MCM6: variants seen among roughly 807,000 people sequenced by gnomAD.
MCM6 encodes DNA replication licensing factor MCM6.
A neutral mutation model predicts 94.3 loss-of-function variants in MCM6; 46 were observed. The ratio of observed to expected loss-of-function variants is 0.49; its 90% CI spans 0.39 to 0.62. The LOEUF (loss-of-function observed/expected upper bound fraction) is 0.62. Ranked by LOEUF, MCM6 falls within the 20% of genes least tolerant of loss-of-function variation. The probability of loss-of-function intolerance (pLI) is 0.00; values close to 1 mark genes in which losing one functional copy is unlikely to be tolerated. For missense variants in MCM6, 865 were observed against 1,017.9 expected (o/e 0.85, Z 2.04); for synonymous variants, 335 against 351.9 (o/e 0.95, Z 0.54).
At chr2:135,874,225 T>C (rs936883458) in intron 1 of MCM6, among the ~76,000 whole-genome samples, 1 of 152,050 alleles carries the variant, frequency 6.6e-6, no homozygotes, top group African/African-American at 2.4e-5. Flanking sequence ...TGTGATGTGG[T>C]GGGTAGGTGG....
intron 6 of MCM6, among the ~76,000 whole-genome samples, chr2:135,865,555 T>TTAATCATTCTCAGA (rs1680078887): frequency 1.3e-5 from 2 of 152,124 alleles, no homozygotes; most frequent in African/African-American, 4.8e-5. Context: ...CTGCCAGGGG[T>TTAATCATTCTCAGA]TCATCATTCT....
chr2:135,856,640 A>G (rs1679896957), intron 11 of MCM6, 88 bp downstream of exon 11: 4 of 1,339,158 alleles, frequency 3.0e-6, no homozygotes, highest in South Asian at 2.8e-5. Flanking sequence ...GTGCACATAC[A>G]TGCACCAGCT....
intron 13 of MCM6, among the ~76,000 whole-genome samples, chr2:135,850,253 CT>C (rs1679748735): frequency 2.0e-5 from 3 of 152,138 alleles, no homozygotes; most frequent in African/African-American, 7.2e-5. Flanking sequence ...AGTAATTCAT[CT>C]CAGCACTCTG....
intron 8 of MCM6, among the ~76,000 whole-genome samples, chr2:135,861,558 C>A (rs1679993080): frequency 6.6e-6 from 1 of 152,146 alleles, no homozygotes; most frequent in Non-Finnish European, 1.5e-5. Flanking sequence ...TTCACACTGA[C>A]AAAGTTAACA....
chr2:135,852,071 A>C (rs1246787014), intron 12 of MCM6: 1 of 152,392 alleles, frequency 6.6e-6, no homozygotes, highest in Non-Finnish European at 1.5e-5. Flanking sequence ...AGTATGCAGT[A>C]ATGGAGAACA....
chr2:135,859,870 C>T (rs574847510), intron 8 of MCM6, among the ~76,000 whole-genome samples: 71 of 152,184 alleles, frequency 4.7e-4, no homozygotes, highest in African/African-American at 1.7e-3. Context: ...GTGGTGTGAT[C>T]TCAGCTCACA....
chr2:135,866,638 C>A lies in MCM6; in HGVS notation c.706G>T (p.Ala236Ser). 1 of 1,614,198 alleles carries A rather than the reference C, an allele frequency of 6.2e-7. No homozygotes were observed. The highest frequency in any genetic ancestry group is 8.5e-7 in the Non-Finnish European group (1 of 1,180,030). The change falls in exon 5 of 17, where the codon GCT becomes TCT. Residue 236 changes from alanine to serine, a missense_variant. By Grantham distance (99) the Ala-to-Ser change is moderately conservative. Around this residue, in one of 3 missense-constraint regions of MCM6, gnomAD observed 404 missense variants for 451.9 expected, o/e 0.89. Transcript: ENST00000264156. The stretch of plus-strand genomic sequence containing the variant: ...AAGTCACACTTGTCACCAGCTTGAG[C>A]TGATTCCACAGCTTCAGCCCTTAAA... ...VILRAEAVES[A>S]QAGDKCDFTG...
At chr2:135,866,916 A>C (rs1332571910) in intron 4 of MCM6, among the ~76,000 whole-genome samples, 188 bp from the exon 5 acceptor site, 2 of 152,160 alleles carry the variant, frequency 1.3e-5, no homozygotes, top group African/African-American at 4.8e-5. Context: ...AAATAGTTCA[A>C]TTTGGCAAGA....
rs1679921896 is a variant in MCM6, at chr2:135,857,919, G to C, written c.1448C>G (p.Ser483Cys). 6.2e-7 allele frequency: 1 copy of C among 1,613,942 alleles called. No homozygotes were observed. The highest frequency in any genetic ancestry group is 8.5e-7 in the Non-Finnish European group (1 of 1,179,980). ...TACCTTCACTCCTGCTTTAGTGATG[G>C]ATATGGTCTGCTGTTCCATAGCTTC... Reference protein sequence around the residue: ...IHEAMEQQTISITKAGVKATL... With the variant: ...IHEAMEQQTICITKAGVKATL... The change falls in exon 10 of 17, where the codon TCC becomes TGC. Residue 483 changes from serine to cysteine, a missense_variant. Ser to Cys is a moderately radical substitution (Grantham distance 112). This residue lies in a region of MCM6 where 153 missense variants were observed against 241.5 expected (regional missense o/e 0.63). Transcript: ENST00000264156.
intron 11 of MCM6, among the ~76,000 whole-genome samples, chr2:135,856,225 T>G (rs960532796): frequency 6.6e-6 from 1 of 152,158 alleles, no homozygotes; most frequent in Non-Finnish European, 1.5e-5. Context: ...TGTGCATCAC[T>G]GGAGGCCAGG....
In MCM6 at chr2:135,859,293, G is replaced by A; in HGVS notation, c.1362+8C>T. 6.2e-7 allele frequency: 1 copy of A among 1,610,234 alleles called. No homozygotes were observed. Among genetic ancestry groups the A allele is most frequent in the Non-Finnish European group, 8.5e-7 (1 of 1,177,410 alleles). The stretch of plus-strand genomic sequence containing the variant: ...TTCTTTATACTGAAGAGTGTAAAAT[G>A]TTCTTACATTATCAGCCAACATCAA... On this transcript the variant is annotated splice_region_variant and intron_variant, in intron 9 of 16. Coordinates refer to ENST00000264156, the MANE Select transcript of MCM6 (RefSeq NM_005915.6).
chr2:135,841,076 C>T, intron 16 of MCM6, 125 bp from the exon 17 acceptor site: 2 of 711,134 alleles, frequency 2.8e-6, no homozygotes, highest in East Asian at 2.5e-5. Context: ...CAACTAGAAA[C>T]TCCTAGGAAA....
chr2:135,848,344 T>C (rs771107087), intron 13 of MCM6, among the ~76,000 whole-genome samples, 156 bp from the exon 14 acceptor site: 1 of 152,174 alleles, frequency 6.6e-6, no homozygotes, highest in Non-Finnish European at 1.5e-5. Flanking sequence ...CCCTCTCTCA[T>C]TCTCTCTCTT....
chr2:135,865,186 G>A, intron 6 of MCM6, 23 bp from the exon 7 acceptor site: 1 of 1,431,106 alleles, frequency 7.0e-7, no homozygotes, highest in Non-Finnish European at 9.2e-7. Flanking sequence ...AACAAAGGAA[G>A]AATCATTAGT....
At chr2:135,854,830 G>A (rs967566826) in intron 11 of MCM6, among the ~76,000 whole-genome samples, 2 of 151,996 alleles carry the variant, frequency 1.3e-5, no homozygotes, top group East Asian at 1.9e-4. Flanking sequence ...CCATGATCAC[G>A]CCACTGCAGG....
chr2:135,874,865 C>T (rs1311901115), intron 1 of MCM6, among the ~76,000 whole-genome samples: 2 of 152,194 alleles, frequency 1.3e-5, no homozygotes, highest in Non-Finnish European at 2.9e-5. Context: ...GAAATTCTGA[C>T]ACATGCTACC....
Position 135,862,596 on chromosome 2 carries a change from C to T in MCM6, c.1220+11G>A, listed in dbSNP as rs1680016267. On this transcript the variant is annotated intron_variant, in intron 8 of 16. Coordinates refer to ENST00000264156, the MANE Select transcript of MCM6 (RefSeq NM_005915.6). Reference sequence around the variant, plus strand: ...CTTTTTCCTGCAACACTGTATCAGGCAAACGCTTACTTGAGAAATTGGCTC... The same window carrying T: ...CTTTTTCCTGCAACACTGTATCAGGTAAACGCTTACTTGAGAAATTGGCTC... The T allele has an allele frequency of 6.2e-7, 1 of 1,613,906 alleles. No homozygotes were observed. The highest frequency in any genetic ancestry group is 1.1e-5 in the South Asian group (1 of 91,064).
At chr2:135,856,270 C>G (rs1679891493) in intron 11 of MCM6, among the ~76,000 whole-genome samples, 1 of 152,012 alleles carries the variant, frequency 6.6e-6, no homozygotes, top group Non-Finnish European at 1.5e-5. Context: ...TGGTGAGACC[C>G]TGTCTGTACT....
chr2:135,856,809 T>C lies in MCM6; in HGVS notation c.1545A>G (p.Ser515=), dbSNP rs746670995. Reference sequence around the variant, plus strand: ...CTGACAAATTTATATTCTGTTTCAATGATTTTGATCTGTCATAGTGTCCAC... The same window carrying C: ...CTGACAAATTTATATTCTGTTTCAACGATTTTGATCTGTCATAGTGTCCAC... ...PISGHYDRSK[S]LKQNINLSAP... The change falls in exon 11 of 17, where the codon TCA becomes TCG. Residue 515 remains serine (S), a synonymous_variant. Transcript: ENST00000264156. 2.5e-6 allele frequency: 4 copies of C among 1,614,226 alleles called. No individual in the cohort carries two copies. The highest frequency in any genetic ancestry group is 3.4e-6 in the Non-Finnish European group (4 of 1,180,028).
Sources: gnomAD v4.1 joint callset for allele counts (sites outside exome capture counted in the v4.1 genomes callset) on GRCh38, gnomAD v4.1.1 for gene constraint, gnomAD v4.1.1 regional missense constraint, MANE v1.5 for transcripts, NCBI Gene and HGNC (gene_info 2026-07-23, HGNC 2026-07-21) for gene names.